Variants in ANXA8 observed in about 807,000 individuals in gnomAD.
The protein encoded by ANXA8 is VAC-beta.
Under a neutral mutation model 26.8 loss-of-function variants are expected in ANXA8, and 9 were observed. That is an observed-to-expected ratio of 0.34 (90% confidence interval 0.20 to 0.59). The LOEUF (loss-of-function observed/expected upper bound fraction) is 0.59. Ranked by LOEUF, ANXA8 falls within the 20% of genes least tolerant of loss-of-function variation. The pLI is 0.84. For missense variants in ANXA8, 83 were observed against 238.5 expected, an observed-to-expected ratio of 0.35 and a Z score of 4.29; for synonymous variants, 39 against 94.8, an observed-to-expected ratio of 0.41 and a Z score of 3.42.
chr10:47,505,398 T>TA, the ANXA8 span, among the ~76,000 whole-genome samples: 523 of 110,608 alleles, frequency 4.7e-3, 14 homozygotes, highest in African/African-American at 0.016. Context: ...CTGAATTTCT[T>TA]AAGAACGTCT....
the ANXA8 span, among the ~76,000 whole-genome samples, chr10:47,508,038 G>C: frequency 7.6e-6 from 1 of 131,356 alleles, no homozygotes; most frequent in Non-Finnish European, 1.6e-5. Flanking sequence ...GGGACTACAA[G>C]TTTGCGCCAC....
At chr10:47,661,269 T>C in the ANXA8 span, among the ~76,000 whole-genome samples, 1 of 88,038 alleles carries the variant, frequency 1.1e-5, no homozygotes, top group Non-Finnish European at 2.1e-5. Flanking sequence ...AGACTAAGCA[T>C]TGGAAAGCTG....
intron 11 of ANXA8, among the ~76,000 whole-genome samples, chr10:47,470,351 C>T (rs1349333558): frequency 7.5e-5 from 11 of 146,190 alleles, no homozygotes; most frequent in East Asian, 2.1e-4. Context: ...TCTCTGATGC[C>T]GTAAGTTACC....
the ANXA8 span, among the ~76,000 whole-genome samples, chr10:47,659,079 G>A: frequency 2.0e-5 from 3 of 151,812 alleles, no homozygotes; most frequent in African/African-American, 7.3e-5. Flanking sequence ...CACCGTGTTA[G>A]CTAGGATGGT....
chr10:47,587,212 A>AT, the ANXA8 span, among the ~76,000 whole-genome samples: 762 of 147,432 alleles, frequency 5.2e-3, 6 homozygotes, highest in Non-Finnish European at 7.5e-3. Flanking sequence ...TCAAAAAAAA[A>AT]AAAAATAAAA....
At chr10:47,623,150 T>C in the ANXA8 span, among the ~76,000 whole-genome samples, 2 of 109,054 alleles carry the variant, frequency 1.8e-5, no homozygotes, top group Non-Finnish European at 4.0e-5. Context: ...CCAAACCATA[T>C]AGGAAATGAA....
the ANXA8 span, among the ~76,000 whole-genome samples, chr10:47,687,142 A>C: frequency 2.0e-5 from 3 of 151,554 alleles, no homozygotes; most frequent in Non-Finnish European, 4.4e-5. Context: ...AAATAAAATA[A>C]AGATTTGAAG....
chr10:47,519,411 T>G, the ANXA8 span, among the ~76,000 whole-genome samples: 1 of 115,934 alleles, frequency 8.6e-6, no homozygotes, highest in Non-Finnish European at 1.7e-5. Flanking sequence ...GAGGTTGTAG[T>G]GAGCCAAGAT....
At chr10:47,554,714 C>G in the ANXA8 span, among the ~76,000 whole-genome samples, 1 of 151,792 alleles carries the variant, frequency 6.6e-6, no homozygotes, top group African/African-American at 2.4e-5. Context: ...GGCTTCAGGT[C>G]CTGTCACAGT....
chr10:47,489,064 C>T (rs1364494871), upstream of ANXA8, among the ~76,000 whole-genome samples: 1 of 148,900 alleles, frequency 6.7e-6, no homozygotes, highest in Admixed American at 6.7e-5. Context: ...GTAGCCCAGG[C>T]TGGAGTGCAG....
At chr10:47,697,042 T>C in the ANXA8 span, among the ~76,000 whole-genome samples, 1 of 151,794 alleles carries the variant, frequency 6.6e-6, no homozygotes, top group Admixed American at 6.6e-5. Context: ...TTTTCTCTTC[T>C]TTAAAAGAAG....
At chr10:47,685,087 C>G in the ANXA8 span, among the ~76,000 whole-genome samples, 2,772 of 148,942 alleles carry the variant, frequency 0.019, no homozygotes, top group Middle Eastern at 0.031. Flanking sequence ...TGGCTCATGC[C>G]TCTAATCTCA....
chr10:47,918,425 G>GAAAGAA, the ANXA8 span, among the ~76,000 whole-genome samples: 1 of 34,806 alleles, frequency 2.9e-5, no homozygotes, highest in East Asian at 4.4e-4. Flanking sequence ...AAGAAAGAAA[G>GAAAGAA]AAAGAAAGAG....
chr10:47,558,222 C>T, the ANXA8 span, among the ~76,000 whole-genome samples: 3 of 151,926 alleles, frequency 2.0e-5, no homozygotes, highest in Non-Finnish European at 4.4e-5. Flanking sequence ...AGCCCTTCCT[C>T]CAGCTTTACT....
At chr10:47,968,717 T>A in the ANXA8 span, among the ~76,000 whole-genome samples, 1 of 151,110 alleles carries the variant, frequency 6.6e-6, no homozygotes, top group Non-Finnish European at 1.5e-5. Flanking sequence ...TGAATGACAA[T>A]CTTATCAACG....
chr10:47,701,609 G>A, the ANXA8 span, among the ~76,000 whole-genome samples: 9 of 151,640 alleles, frequency 5.9e-5, no homozygotes, highest in African/African-American at 2.2e-4. Flanking sequence ...CCCCAAAACT[G>A]TATGTAGTAT....
the ANXA8 span, among the ~76,000 whole-genome samples, chr10:47,733,215 TTC>T: frequency 5.6e-4 from 53 of 95,032 alleles, 2 homozygotes; most frequent in Non-Finnish European, 1.1e-3. Context: ...CTTTCTTTCT[TTC>T]TTTCTCTTTC....
the ANXA8 span, chr10:47,564,816 G>C: frequency 6.9e-6 from 6 of 871,390 alleles, no homozygotes; most frequent in South Asian, 7.0e-5. Flanking sequence ...ACGCAGAATG[G>C]AATAAGCTAC....
chr10:47,714,354 A>T, the ANXA8 span, among the ~76,000 whole-genome samples: 13 of 148,310 alleles, frequency 8.8e-5, no homozygotes, highest in Admixed American at 2.0e-4. Context: ...AAAAATCTTT[A>T]GTGAAAGAAA....
Sources: gnomAD v4.1 joint callset for allele counts (sites outside exome capture counted in the v4.1 genomes callset) on GRCh38, gnomAD v4.1.1 for gene constraint, MANE v1.5 for transcripts, NCBI Gene and HGNC (gene_info 2026-07-23, HGNC 2026-07-21) for gene names.